The following BTC variants were observed in gnomAD, a reference collection of about 807,000 sequenced individuals.
BTC encodes the protein betacellulin, also known as probetacellulin.
In BTC, 13 loss-of-function variants were observed where a neutral mutation model predicts 18.1. The observed-to-expected ratio is 0.72, with a 90% CI of 0.47 to 1.14. The LOEUF is 1.14. Among genes scored for constraint, BTC ranks in the 50% most tolerant of loss-of-function variants. The probability of loss-of-function intolerance (pLI) is 0.00; values close to 1 mark genes in which losing one functional copy is unlikely to be tolerated. For missense variants in BTC, 247 were observed against 224.2 expected, an observed-to-expected ratio of 1.10 and a Z score of -0.65; for synonymous variants, 83 against 79.4, an observed-to-expected ratio of 1.05 and a Z score of -0.24.
At chr4:74,773,336 G>T (rs918952800) in intron 1 of BTC, among the ~76,000 whole-genome samples, 1 of 152,108 alleles carries the variant, frequency 6.6e-6, no homozygotes, top group Non-Finnish European at 1.5e-5. Context: ...GAGGCTTCCT[G>T]CACTTATTTA....
chr4:74,784,673 T>C (rs1577969859), intron 1 of BTC, among the ~76,000 whole-genome samples: 2 of 152,238 alleles, frequency 1.3e-5, no homozygotes, highest in South Asian at 4.1e-4. Context: ...TCTGCATCTA[T>C]TGAGATAATC....
At chr4:74,788,797 C>A (rs551223516) in intron 1 of BTC, among the ~76,000 whole-genome samples, 3 of 152,358 alleles carry the variant, frequency 2.0e-5, no homozygotes, top group African/African-American at 7.2e-5. Context: ...GAACAAAACT[C>A]ATACCTGGTC....
chr4:74,791,915 T>G (rs542345270), intron 1 of BTC, among the ~76,000 whole-genome samples: 1 of 151,870 alleles, frequency 6.6e-6, no homozygotes, highest in Middle Eastern at 3.4e-3. Flanking sequence ...GTGGTAGAGC[T>G]GGAACCAGGG....
intron 2 of BTC, among the ~76,000 whole-genome samples, chr4:74,761,039 T>C (rs1301152853): frequency 1.3e-5 from 2 of 152,100 alleles, no homozygotes; most frequent in African/African-American, 2.4e-5. Flanking sequence ...TGGCCTAGCA[T>C]GTCTTTTAAC....
intron 3 of BTC, among the ~76,000 whole-genome samples, chr4:74,752,275 G>A (rs1415284751): frequency 1.3e-5 from 2 of 152,000 alleles, no homozygotes; most frequent in African/African-American, 2.4e-5. Context: ...AGATAGCTAA[G>A]TATCTTCATT....
intron 1 of BTC, among the ~76,000 whole-genome samples, chr4:74,784,772 A>T (rs1261069619): frequency 6.6e-6 from 1 of 152,210 alleles, no homozygotes; most frequent in Non-Finnish European, 1.5e-5. Context: ...CCAGAGATGA[A>T]GCCAACTTGG....
chr4:74,772,668 ACT>A (rs1461919698), intron 1 of BTC, among the ~76,000 whole-genome samples: 3 of 151,344 alleles, frequency 2.0e-5, no homozygotes, highest in African/African-American at 7.3e-5. Flanking sequence ...AAAAAAAAAA[ACT>A]CTAAATCTCA....
intron 1 of BTC, among the ~76,000 whole-genome samples, chr4:74,793,796 C>T (rs13107535): frequency 0.3 from 44,769 of 148,220 alleles, 6,806 homozygotes; most frequent in Non-Finnish European, 0.32. Context: ...TCAAAGAGTT[C>T]CCGTTCTTCT....
At chr4:74,769,484 A>C (rs1197321899) in intron 2 of BTC, among the ~76,000 whole-genome samples, 1 of 152,126 alleles carries the variant, frequency 6.6e-6, no homozygotes, top group Non-Finnish European at 1.5e-5. Context: ...TGACAAAGAC[A>C]TCATGATCCA....
chr4:74,781,246 C>T (rs1305417009), intron 1 of BTC, among the ~76,000 whole-genome samples: 1 of 151,986 alleles, frequency 6.6e-6, no homozygotes, highest in Non-Finnish European at 1.5e-5. Flanking sequence ...AATTTTAGTT[C>T]ACTAATGTAA....
intron 1 of BTC, among the ~76,000 whole-genome samples, chr4:74,771,545 G>A (rs889936435): frequency 5.3e-5 from 8 of 152,152 alleles, no homozygotes; most frequent in African/African-American, 1.9e-4. Context: ...TGCTACTACT[G>A]TACCAGAAAG....
rs1725717319 is a variant in BTC at position 74,794,367 on chromosome 4, C to T, written c.-42G>A. On this transcript the variant is annotated 5_prime_UTR_variant, in exon 1 of 6. Coordinates refer to ENST00000395743, the MANE Select transcript of BTC (RefSeq NM_001729.4). ...GGCCGGGCAGCCCCTAGACAAGTCT[C>T]CCTCCTTCTTCGCCCCCTTCCCGGG... 2.0e-6 allele frequency: 3 copies of T among 1,490,212 alleles called. No individual in the cohort carries two copies. Among genetic ancestry groups the T allele is most frequent in the African/African-American group, 2.8e-5 (2 of 70,514 alleles). 92.3% of individuals were successfully genotyped at this position (1,490,212 alleles called of 1,614,324 possible). A position where few individuals can be genotyped will look rare whatever the true frequency, so the allele number is the denominator to read the frequency against.
rs896623015 is a variant in BTC at position 74,794,309 on chromosome 4, C to T, written c.17G>A (p.Arg6Gln). The change falls in exon 1 of 6, where the codon CGG becomes CAG. Residue 6 changes from arginine to glutamine, a missense_variant. Transcript: ENST00000395743. ...TGGCAGGGAGCTGGCGCCGCTGCACCGGGCGGCCCGGTCCATCAACCCCGC... is the reference window on the plus strand; with the variant it reads ...TGGCAGGGAGCTGGCGCCGCTGCACTGGGCGGCCCGGTCCATCAACCCCGC... MDRAARCSGASSLPLL... is the reference protein window; with the variant it reads MDRAAQCSGASSLPLL... The T allele has an allele frequency of 6.5e-7, 1 of 1,547,670 alleles. No homozygotes were observed. The highest frequency in any genetic ancestry group is 8.7e-7 in the Non-Finnish European group (1 of 1,146,134).
At chr4:74,773,352 A>T (rs911643904) in intron 1 of BTC, among the ~76,000 whole-genome samples, 8 of 152,154 alleles carry the variant, frequency 5.3e-5, no homozygotes, top group African/African-American at 1.7e-4. Flanking sequence ...ATTTATTTTA[A>T]CTACTCAGGC....
At chr4:74,791,438 T>C (rs187596019) in intron 1 of BTC, among the ~76,000 whole-genome samples, 105 of 152,338 alleles carry the variant, frequency 6.9e-4, no homozygotes, top group Non-Finnish European at 1.2e-3. Context: ...TAAGATTAAA[T>C]GGCTCAGGAT....
chr4:74,782,383 C>T (rs1725355081), intron 1 of BTC, among the ~76,000 whole-genome samples: 1 of 152,132 alleles, frequency 6.6e-6, no homozygotes, highest in African/African-American at 2.4e-5. Flanking sequence ...CATTAGTTTG[C>T]TGAAGATAAT....
chr4:74,771,935 C>A (rs1725054227), intron 1 of BTC, among the ~76,000 whole-genome samples: 1 of 152,080 alleles, frequency 6.6e-6, no homozygotes, highest in Admixed American at 6.6e-5. Context: ...GGATTAAGTA[C>A]ATTGAATGAA....
chr4:74,783,485 C>G (rs1725392246), intron 1 of BTC, among the ~76,000 whole-genome samples: 1 of 151,384 alleles, frequency 6.6e-6, no homozygotes, highest in East Asian at 1.9e-4. Context: ...CAGTACCATA[C>G]TGTTTTGGTT....
intron 1 of BTC, among the ~76,000 whole-genome samples, chr4:74,788,801 C>T (rs569458166): frequency 6.6e-5 from 10 of 152,316 alleles, no homozygotes; most frequent in African/African-American, 2.2e-4. Context: ...AAAACTCATA[C>T]CTGGTCTGCC....
Sources: gnomAD v4.1 joint callset for allele counts (sites outside exome capture counted in the v4.1 genomes callset) on GRCh38, gnomAD v4.1.1 for gene constraint, MANE v1.5 for transcripts, NCBI Gene and HGNC (gene_info 2026-07-23, HGNC 2026-07-21) for gene names.